The following LRRC4C variants were observed in gnomAD, a reference collection of about 807,000 sequenced individuals.
The protein encoded by LRRC4C is leucine rich repeat containing 4C, also known as leucine-rich repeat-containing protein 4C.
LRRC4C carries 5 observed loss-of-function variants against 33.6 expected under a neutral mutation model. The observed-to-expected ratio is 0.15, with a 90% confidence interval of 0.08 to 0.31. LRRC4C has a LOEUF of 0.31. LRRC4C is among the 10% of genes least tolerant of loss of function. The probability of loss-of-function intolerance (pLI) is 1.00; values close to 1 mark genes in which losing one functional copy is unlikely to be tolerated. For synonymous variants in LRRC4C, 329 were observed against 302.0 expected (o/e 1.09, Z -0.93); for missense variants, 560 against 796.7 (o/e 0.70, Z 3.58).
intron 1 of LRRC4C, among the ~76,000 whole-genome samples, chr11:41,342,111 A>G (rs1330455048): frequency 6.6e-6 from 1 of 151,478 alleles, no homozygotes; most frequent in Non-Finnish European, 1.5e-5. Context: ...CACAGTTACT[A>G]TTAATATTAA....
intron 3 of LRRC4C, among the ~76,000 whole-genome samples, chr11:40,587,608 G>T: frequency 6.8e-6 from 1 of 147,576 alleles, no homozygotes; most frequent in African/African-American, 2.5e-5. Context: ...TATTGGCTGT[G>T]GGTTTGTCAT....
At chr11:40,564,002 T>G (rs906300776) in intron 3 of LRRC4C, among the ~76,000 whole-genome samples, 1 of 152,136 alleles carries the variant, frequency 6.6e-6, no homozygotes, top group South Asian at 2.1e-4. Flanking sequence ...GCCTGATAAG[T>G]ATGAAAATAG....
chr11:41,072,779 C>T (rs1030671224), intron 1 of LRRC4C, among the ~76,000 whole-genome samples: 1 of 152,152 alleles, frequency 6.6e-6, no homozygotes, highest in Non-Finnish European at 1.5e-5. Flanking sequence ...TCTTTGTTTC[C>T]ATAACTCCAC....
intron 5 of LRRC4C, among the ~76,000 whole-genome samples, chr11:40,194,252 G>C (rs1590671785): frequency 6.6e-6 from 1 of 152,296 alleles, no homozygotes; most frequent in Middle Eastern, 3.4e-3. Flanking sequence ...ACTAACAGCA[G>C]ATCTCTCTGC....
rs1163801779 is a variant in LRRC4C at position 41,304,918 on chromosome 11, G to C, written c.-496+154513C>G. 3.9e-5 allele frequency among the ~76,000 whole-genome samples: 5 copies of C among 126,916 alleles called. 1 individual carries two copies. The highest frequency in any genetic ancestry group is 1.4e-4 in the African/African-American group (5 of 34,910). 83.3% of individuals were successfully genotyped at this position (126,916 alleles called of 152,430 possible). ...GCCGCCCCATCCGGGAGGGAGGTGG[G>C]GGGGGGTCAGCCCACCTGCTGGGCC... On this transcript the variant is annotated intron_variant, in intron 1 of 6. Transcript: ENST00000528697.
At chr11:40,230,548 A>G (rs2136002310) in intron 5 of LRRC4C, among the ~76,000 whole-genome samples, 1 of 152,324 alleles carries the variant, frequency 6.6e-6, no homozygotes, top group East Asian at 1.9e-4. Flanking sequence ...GTGATGATAC[A>G]CCTAACAGGG....
At chr11:40,897,191 A>T (rs1047417260) in intron 2 of LRRC4C, among the ~76,000 whole-genome samples, 1 of 152,204 alleles carries the variant, frequency 6.6e-6, no homozygotes, top group African/African-American at 2.4e-5. Flanking sequence ...CATTTAGATG[A>T]TGAGAAAGAA....
chr11:40,922,771 T>C (rs1957237375), intron 2 of LRRC4C, among the ~76,000 whole-genome samples: 1 of 152,154 alleles, frequency 6.6e-6, no homozygotes, highest in Non-Finnish European at 1.5e-5. Flanking sequence ...AATATATCAG[T>C]GATAGTTGAT....
intron 1 of LRRC4C, among the ~76,000 whole-genome samples, chr11:41,456,011 T>C (rs543087148): frequency 2.0e-5 from 3 of 152,304 alleles, no homozygotes; most frequent in Admixed American, 2.0e-4. Context: ...GCAAAGCCCC[T>C]GCTCTATTCA....
intron 1 of LRRC4C, among the ~76,000 whole-genome samples, chr11:41,340,874 G>C (rs746396236): frequency 3.9e-5 from 6 of 152,102 alleles, no homozygotes; most frequent in Non-Finnish European, 8.8e-5. Flanking sequence ...TTTCAATTCT[G>C]GGATTTTTGC....
intron 1 of LRRC4C, among the ~76,000 whole-genome samples, chr11:41,011,580 G>T (rs1232378664): frequency 6.6e-6 from 1 of 151,868 alleles, no homozygotes; most frequent in Non-Finnish European, 1.5e-5. Flanking sequence ...CTTTAACAAA[G>T]GGTGTATGGT....
chr11:41,380,589 G>A (rs1481705400), intron 1 of LRRC4C, among the ~76,000 whole-genome samples: 2 of 152,130 alleles, frequency 1.3e-5, no homozygotes, highest in Non-Finnish European at 2.9e-5. Flanking sequence ...CAACTGGGCA[G>A]TTTATAAGAA....
chr11:41,133,034 T>A (rs973262053), intron 1 of LRRC4C, among the ~76,000 whole-genome samples: 1 of 152,166 alleles, frequency 6.6e-6, no homozygotes, highest in African/African-American at 2.4e-5. Flanking sequence ...CAATAATGTC[T>A]TTTTCCCTTT....
intron 3 of LRRC4C, among the ~76,000 whole-genome samples, chr11:40,405,112 C>G (rs949720001): frequency 6.6e-6 from 1 of 151,774 alleles, no homozygotes; most frequent in African/African-American, 2.4e-5. Context: ...CTGGTAACTA[C>G]TGTTGTATTC....
At chr11:41,011,844 A>ATATTATATTATATTATATTATATTG (rs1486501224) in intron 1 of LRRC4C, among the ~76,000 whole-genome samples, 3 of 147,464 alleles carry the variant, frequency 2.0e-5, no homozygotes, top group African/African-American at 7.4e-5. Context: ...ATATTATATT[A>ATATTATATTATATTATATTATATTG]TATTATGTTA....
intron 4 of LRRC4C, among the ~76,000 whole-genome samples, chr11:40,313,892 C>T (rs568667179): frequency 6.6e-6 from 1 of 151,960 alleles, no homozygotes; most frequent in South Asian, 2.1e-4. Flanking sequence ...GGATTACAGG[C>T]GTGAGCCGCC....
rs889710609 is a variant in LRRC4C at position 41,051,808 on chromosome 11, T to A, written c.-495-118085A>T. Among the ~76,000 whole-genome samples, 17 of 152,284 alleles carry A rather than the reference T, an allele frequency of 1.1e-4. No individual in the cohort carries two copies. In the South Asian group the frequency reaches 2.9e-3, roughly 26 times the overall value. On this transcript the variant is annotated intron_variant, in intron 1 of 6. Coordinates refer to ENST00000528697, the MANE Select transcript of LRRC4C (RefSeq NM_001258419.2). ...TGGCTTCACCACCACTGAATATGCC[T>A]CTTTTTTCTTCATCTTAGGCCAATA...
chr11:40,970,712 T>C (rs1299389531), intron 1 of LRRC4C, among the ~76,000 whole-genome samples: 1 of 152,112 alleles, frequency 6.6e-6, no homozygotes, highest in African/African-American at 2.4e-5. Flanking sequence ...ACCTAGAGCC[T>C]TGTTAAACTG....
intron 3 of LRRC4C, among the ~76,000 whole-genome samples, chr11:40,463,079 A>G (rs1952480017): frequency 6.6e-6 from 1 of 152,078 alleles, no homozygotes; most frequent in African/African-American, 2.4e-5. Context: ...ACAAGTAACT[A>G]TGGTCAAGGG....
Sources: allele counts gnomAD v4.1 joint callset (sites outside exome capture counted in the v4.1 genomes callset), GRCh38; gene constraint gnomAD v4.1.1; transcripts MANE v1.5; gene names NCBI Gene and HGNC (gene_info 2026-07-23, HGNC 2026-07-21).